The following FAM135A variants were observed in gnomAD, a reference collection of about 807,000 sequenced individuals.
FAM135A encodes the protein family with sequence similarity 135 member A.
In FAM135A, 79 loss-of-function variants were observed where a neutral mutation model predicts 146.8. The ratio of observed to expected loss-of-function variants is 0.54; its 90% confidence interval spans 0.45 to 0.65. The LOEUF is 0.65. FAM135A is among the 30% of genes least tolerant of loss of function. The pLI is 0.00. For missense variants in FAM135A, 1,623 were observed against 1,758.2 expected (o/e 0.92, Z 1.38); for synonymous variants, 562 against 603.6 (o/e 0.93, Z 1.01).
chr6:70,504,853 A>T (rs540833238), intron 12 of FAM135A: 1 of 152,008 alleles, frequency 6.6e-6, no homozygotes, highest in East Asian at 1.9e-4. Context: ...AGTACCTGTA[A>T]TCCCAGCTAC....
intron 12 of FAM135A, among the ~76,000 whole-genome samples, chr6:70,506,935 A>T (rs1257235752): frequency 6.6e-6 from 1 of 152,008 alleles, no homozygotes; most frequent in Non-Finnish European, 1.5e-5. Context: ...TTCAATGGGA[A>T]GGAAGCTATT....
In FAM135A at chr6:70,446,882, T is replaced by G. The variant is rs541787139; in HGVS notation, c.78-5610T>G. On this transcript the variant is annotated intron_variant, in intron 4 of 21. Transcript: ENST00000418814. ...CCATTTCATGCATCATATGTTGACTTTGAGGGCTATATAATTGTTCTGGAA... is the reference window on the plus strand; with the variant it reads ...CCATTTCATGCATCATATGTTGACTGTGAGGGCTATATAATTGTTCTGGAA... Among the ~76,000 whole-genome samples the G allele has an allele frequency of 7.9e-5, 12 of 152,350 alleles. No homozygotes were observed. The East Asian group carries it at 2.3e-3, about 29-fold the overall frequency.
At chr6:70,555,083 A>G (rs1800572712) in intron 20 of FAM135A, among the ~76,000 whole-genome samples, 1 of 152,202 alleles carries the variant, frequency 6.6e-6, no homozygotes, top group Non-Finnish European at 1.5e-5. Context: ...TTTGTCAGAA[A>G]AAGTTAGACT....
At chr6:70,528,177 TG>T in intron 15 of FAM135A, 114 bp from the exon 16 acceptor site, 6 of 919,386 alleles carry the variant, frequency 6.5e-6, no homozygotes, top group South Asian at 5.1e-5. Flanking sequence ...CATATTTTCA[TG>T]GTTTTAAAAC....
chr6:70,527,949 A>T (rs1052029371), intron 15 of FAM135A, among the ~76,000 whole-genome samples: 1 of 152,106 alleles, frequency 6.6e-6, no homozygotes, highest in African/African-American at 2.4e-5. Flanking sequence ...TCAGATTATC[A>T]CCTCTCCAGT....
In FAM135A at chr6:70,477,762, A is replaced by G. The variant is rs570076750; in HGVS notation, c.542+430A>G. Among the ~76,000 whole-genome samples the G allele has an allele frequency of 8.5e-5, 13 of 152,246 alleles. No individual in the cohort carries two copies. In the South Asian group the frequency reaches 1.2e-3, roughly 15 times the overall value. ...AACATGAGAGCCTTATTAATGTAGC[A>G]TTTTTTTATTTTTATAGTGAAAACG... On this transcript the variant is annotated intron_variant, in intron 8 of 21. Transcript: ENST00000418814.
At position 70,525,094 on chromosome 6, in the gene FAM135A, G is replaced by C. The variant is rs370598178; in HGVS notation, c.2010G>C (p.Glu670Asp). The change falls in exon 15 of 22, where the codon GAG (glutamate) becomes GAC (aspartate). Residue 670 changes from glutamate (E) to aspartate (D), a missense_variant. This residue lies in a region of FAM135A where 1,061 missense variants were observed against 1,113.8 expected (regional missense o/e 0.95). Transcript: ENST00000418814. ...KPSNKDPFSG[E>D]NITVKLGPWT... ...GTAATAAAGATCCTTTCAGTGGAGA[G>C]AATATAACTGTCAAACTAGGACCTT... 6.4e-7 allele frequency: 1 copy of C among 1,568,070 alleles called. No individual in the cohort carries two copies. Among genetic ancestry groups the C allele is most frequent in the Admixed American group, 2.0e-5 (1 of 50,394 alleles).
At chr6:70,530,819 C>A (rs1166852154) in intron 16 of FAM135A, among the ~76,000 whole-genome samples, 1 of 152,154 alleles carries the variant, frequency 6.6e-6, no homozygotes, top group Admixed American at 6.5e-5. Context: ...ATATAAACTT[C>A]ATTTCTCAGT....
rs1389507481 is a variant in FAM135A, at chr6:70,556,779, G to C, written c.4258G>C (p.Val1420Leu). Reference protein sequence around the residue: ...GLHYFKNVVLVGSLQDRYVPY... With the variant: ...GLHYFKNVVLLGSLQDRYVPY... The stretch of plus-strand genomic sequence containing the variant: ...TCATTATTTCAAAAATGTTGTGCTA[G>C]TGGGATCCCTACAGGATCGCTATGT... Residue 1420 changes from valine to leucine, a missense_variant, in exon 21 of 22, where the codon GTG (valine) becomes CTG (leucine). Physicochemically the swap from Val to Leu is conservative, Grantham distance 32. Coordinates refer to ENST00000418814, the MANE Select transcript of FAM135A (RefSeq NM_001162529.3). 2.5e-6 allele frequency: 4 copies of C among 1,612,676 alleles called. No homozygotes were observed. Among genetic ancestry groups the C allele is most frequent in the Non-Finnish European group, 3.4e-6 (4 of 1,179,498 alleles).
intron 4 of FAM135A, 116 bp from the exon 5 acceptor site, chr6:70,452,376 A>G (rs1777302814): frequency 1.4e-6 from 1 of 706,164 alleles, no homozygotes; most frequent in Admixed American, 3.4e-5. Flanking sequence ...ATGTTATGGG[A>G]GACTGATATA....
chr6:70,492,339 C>A (rs79890189), intron 11 of FAM135A, among the ~76,000 whole-genome samples: 1 of 151,486 alleles, frequency 6.6e-6, no homozygotes, highest in Non-Finnish European at 1.5e-5. Flanking sequence ...TCTAAGTGGA[C>A]TGAAGACTTA....
chr6:70,512,607 A>G (rs1158474434), intron 12 of FAM135A, among the ~76,000 whole-genome samples: 1 of 151,576 alleles, frequency 6.6e-6, no homozygotes, highest in Non-Finnish European at 1.5e-5. Flanking sequence ...CTGACTCCTG[A>G]TATTGAGGGT....
chr6:70,431,102 G>A (rs995026200), intron 4 of FAM135A, among the ~76,000 whole-genome samples: 3 of 152,024 alleles, frequency 2.0e-5, no homozygotes, highest in African/African-American at 7.3e-5. Context: ...AGCTGTAACT[G>A]TTAGTTTGGC....
chr6:70,469,024 A>G (rs1428853075), intron 5 of FAM135A, among the ~76,000 whole-genome samples: 1 of 152,168 alleles, frequency 6.6e-6, no homozygotes, highest in Non-Finnish European at 1.5e-5. Flanking sequence ...GTTTAAAATT[A>G]CTATCTTTCT....
intron 12 of FAM135A, among the ~76,000 whole-genome samples, chr6:70,518,323 A>C (rs184904772): frequency 6.6e-6 from 1 of 152,320 alleles, no homozygotes; most frequent in Admixed American, 6.5e-5. Context: ...AAGCTACAGA[A>C]GAAAAATTTG....
At chr6:70,502,595 A>G in intron 11 of FAM135A, 41 bp from the exon 12 acceptor site, 1 of 1,579,928 alleles carries the variant, frequency 6.3e-7, no homozygotes, top group Non-Finnish European at 8.6e-7. Flanking sequence ...TGTTACATTA[A>G]ATCTTGGGAA....
At chr6:70,472,312 A>G (rs757952535) in intron 5 of FAM135A, among the ~76,000 whole-genome samples, 8 of 152,198 alleles carry the variant, frequency 5.3e-5, no homozygotes, top group Non-Finnish European at 7.3e-5. Context: ...CAGCTCTTCA[A>G]CATACTCAGA....
At chr6:70,464,658 CTTTTTTTTCTTT>C (rs1380271277) in intron 5 of FAM135A, among the ~76,000 whole-genome samples, 1 of 100,454 alleles carries the variant, frequency 1.0e-5, no homozygotes, top group Non-Finnish European at 2.2e-5. Flanking sequence ...TTCTTTCTTT[CTTTTTTTTCTTT>C]TTTTTTTTTT....
intron 4 of FAM135A, among the ~76,000 whole-genome samples, chr6:70,438,978 A>G (rs527920044): frequency 1.3e-5 from 2 of 152,194 alleles, no homozygotes; most frequent in South Asian, 4.1e-4. Flanking sequence ...GCAACAATAT[A>G]GTGAGGCCCT....
Sources: gnomAD v4.1 joint callset for allele counts (sites outside exome capture counted in the v4.1 genomes callset) on GRCh38, gnomAD v4.1.1 for gene constraint, gnomAD v4.1.1 regional missense constraint, MANE v1.5 for transcripts, NCBI Gene and HGNC (gene_info 2026-07-23, HGNC 2026-07-21) for gene names.